The following MTMR1 variants were observed in gnomAD, a reference collection of about 807,000 sequenced individuals.
MTMR1 encodes myotubularin related protein 1.
MTMR1 carries 17 observed loss-of-function variants against 51.6 expected under a neutral mutation model. The observed-to-expected ratio is 0.33, with a 90% CI of 0.23 to 0.49. MTMR1 has a LOEUF of 0.49. Ranked by LOEUF, MTMR1 falls within the 20% of genes least tolerant of loss-of-function variation. The pLI is 0.99. For missense variants in MTMR1, 386 were observed against 526.9 expected, an observed-to-expected ratio of 0.73 and a Z score of 2.62; for synonymous variants, 201 against 205.6, an observed-to-expected ratio of 0.98 and a Z score of 0.19.
Position 150,731,525 on chromosome X carries a change from G to A in MTMR1, c.797G>A (p.Cys266Tyr). The A allele has an allele frequency of 8.3e-7, 1 of 1,207,994 alleles. No individual in the cohort carries two copies. Residue 266 changes from cysteine to tyrosine, a missense_variant, in exon 9 of 16, where the codon TGT (cysteine) becomes TAT (tyrosine). By Grantham distance (194) the Cys-to-Tyr change is radical. Transcript: ENST00000445323. ...ISKINSNYEF[C>Y]DTYPAIIVVP... ...AAAATAAACAGTAATTATGAGTTCT[G>A]TGACACCTACCCTGCCATCATTGTT...
At chrX:150,716,947 C>T (rs1473362655) in intron 3 of MTMR1, among the ~76,000 whole-genome samples, 1 of 112,075 alleles carries the variant, frequency 8.9e-6, no homozygotes, top group Non-Finnish European at 1.9e-5. Context: ...CACTAGTGGC[C>T]TCCGATGTTA....
rs782079865 is a variant in MTMR1, at chrX:150,765,050, T to TGTAAA, written c.*2326_*2330dup. ...GTCAAGCACAGTTAATATATGATGATGTAAAGTAACTAACTTTATGTGATT... is the reference window on the plus strand; with the variant it reads ...GTCAAGCACAGTTAATATATGATGATGTAAAGTAAAGTAACTAACTTTATGTGATT... On this transcript the variant is annotated 3_prime_UTR_variant, in exon 16 of 16. Coordinates refer to ENST00000445323, the MANE Select transcript of MTMR1 (RefSeq NM_001306144.3). 3 of 109,012 alleles carry TGTAAA rather than the reference T, an allele frequency of 2.8e-5. No individual in the cohort carries two copies. The East Asian group carries it at 8.4e-4, about 31-fold the overall frequency. 9.0% of individuals were successfully genotyped at this position (109,012 alleles called of 1,213,427 possible). A position where few individuals can be genotyped will look rare whatever the true frequency, so the allele number is the denominator to read the frequency against.
At chrX:150,715,759 T>G (rs2041490049) in intron 3 of MTMR1, among the ~76,000 whole-genome samples, 1 of 112,956 alleles carries the variant, frequency 8.9e-6, no homozygotes, top group Non-Finnish European at 1.9e-5. Context: ...GGGTCACTTC[T>G]TTGTTTTATT....
intron 3 of MTMR1, among the ~76,000 whole-genome samples, chrX:150,713,718 A>C (rs2041392417): frequency 8.9e-6 from 1 of 112,191 alleles, no homozygotes. Flanking sequence ...TTCAAAAAAT[A>C]ATAGATTCTA....
intron 1 of MTMR1, among the ~76,000 whole-genome samples, chrX:150,696,198 G>A (rs2040669413): frequency 9.0e-6 from 1 of 111,281 alleles, no homozygotes; most frequent in Admixed American, 9.5e-5. Context: ...AGTAGTTATT[G>A]ACACCAGGAG....
chrX:150,736,574 T>C (rs782611339), intron 10 of MTMR1, 21 bp from the exon 11 acceptor site: 3 of 1,190,884 alleles, frequency 2.5e-6, no homozygotes, highest in Non-Finnish European at 3.4e-6. Flanking sequence ...TAATGTGATG[T>C]ATTTGTTTTG....
chrX:150,727,414 A>G (rs2041975753), intron 5 of MTMR1, 105 bp downstream of exon 5: 1 of 661,644 alleles, frequency 1.5e-6, no homozygotes. Flanking sequence ...TGAGATAACC[A>G]CAGGTTGGAT....
chrX:150,697,791 T>G (rs2040730747), intron 1 of MTMR1, among the ~76,000 whole-genome samples: 1 of 112,212 alleles, frequency 8.9e-6, no homozygotes, highest in Admixed American at 9.4e-5. Context: ...GATGACATTT[T>G]CTTTGCATTG....
At chrX:150,735,726 A>G (rs1332497395) in intron 10 of MTMR1, 1 of 315,199 alleles carries the variant, frequency 3.2e-6, no homozygotes, top group African/African-American at 2.7e-5. Flanking sequence ...GATTGTGTAC[A>G]CATTGTGGAA....
intron 14 of MTMR1, among the ~76,000 whole-genome samples, chrX:150,754,259 G>C (rs1389573072): frequency 1.8e-5 from 2 of 113,083 alleles, no homozygotes; most frequent in African/African-American, 6.4e-5. Context: ...GGAAGTATGA[G>C]TCCTCCTACT....
intron 1 of MTMR1, among the ~76,000 whole-genome samples, chrX:150,698,676 G>GCACACACACACACA (rs1170788477): frequency 1.3e-4 from 7 of 53,080 alleles, no homozygotes; most frequent in African/African-American, 5.3e-4. Flanking sequence ...GTCTACACGC[G>GCACACACACACACA]CGCGCACACA....
At chrX:150,715,651 C>A (rs1176640435) in intron 3 of MTMR1, among the ~76,000 whole-genome samples, 2 of 112,335 alleles carry the variant, frequency 1.8e-5, no homozygotes, top group African/African-American at 6.5e-5. Context: ...AACAAAAAAA[C>A]CTCCAAGCTT....
chrX:150,747,229 G>A (rs192013626), intron 13 of MTMR1, among the ~76,000 whole-genome samples: 4 of 110,379 alleles, frequency 3.6e-5, no homozygotes, highest in African/African-American at 1.3e-4. Context: ...TAGAAGGATC[G>A]CTTGAGGCCA....
At chrX:150,759,040 T>TA (rs2042994295) in intron 15 of MTMR1, among the ~76,000 whole-genome samples, 1 of 112,506 alleles carries the variant, frequency 8.9e-6, no homozygotes, top group Non-Finnish European at 1.9e-5. Context: ...TTTCCTGGCT[T>TA]TCAGCCCAAG....
At chrX:150,765,105 A>ATGAG (rs1326827893) in exon 16 of MTMR1, 2 of 102,658 alleles carry the variant, frequency 1.9e-5, no homozygotes, top group African/African-American at 3.7e-5. Flanking sequence ...TAAATGTATC[A>ATGAG]TGAGTCTTAA....
At chrX:150,721,551 A>G (rs1260146054) in intron 4 of MTMR1, among the ~76,000 whole-genome samples, 11 of 111,668 alleles carry the variant, frequency 9.9e-5, no homozygotes, top group Non-Finnish European at 1.9e-4. Flanking sequence ...CAAGTTGTCA[A>G]ATGATTGTCA....
At chrX:150,699,618 C>T (rs180789016) in intron 2 of MTMR1, among the ~76,000 whole-genome samples, 371 of 112,270 alleles carry the variant, frequency 3.3e-3, no homozygotes, top group Middle Eastern at 0.014. Context: ...CAGGAAATAT[C>T]TTGATGTACA....
At chrX:150,725,922 C>T (rs922385970) in intron 4 of MTMR1, among the ~76,000 whole-genome samples, 10 of 111,674 alleles carry the variant, frequency 9.0e-5, no homozygotes, top group South Asian at 7.5e-4. Context: ...TTCTCTTACT[C>T]CCCCTACCCA....
rs2043178449 is a variant in MTMR1, at chrX:150,762,639, G to T, written c.1932G>T (p.Gln644His). ...TGCAGAAGCGTGTGGAGGGCCTACA[G>T]CGGGAGGTGGCCACGCGCGCCGTCT... is the stretch of plus-strand genomic sequence containing the variant. ...AELQKRVEGL[Q>H]REVATRAVSS... The change falls in exon 16 of 16, where the codon CAG becomes CAT. Residue 644 changes from glutamine (Q) to histidine (H), a missense_variant. Gln to His is a conservative substitution (Grantham distance 24). Coordinates refer to ENST00000445323, the MANE Select transcript of MTMR1 (RefSeq NM_001306144.3). 2.5e-6 allele frequency: 3 copies of T among 1,209,318 alleles called. No individual in the cohort carries two copies. The highest frequency in any genetic ancestry group is 3.4e-6 in the Non-Finnish European group (3 of 894,873).
Sources: allele counts gnomAD v4.1 joint callset (sites outside exome capture counted in the v4.1 genomes callset), GRCh38; gene constraint gnomAD v4.1.1; transcripts MANE v1.5; gene names NCBI Gene and HGNC (gene_info 2026-07-23, HGNC 2026-07-21).